CLGN: variants seen among roughly 807,000 people sequenced by gnomAD.
The protein encoded by CLGN is calmegin, also known as testis tissue sperm-binding protein Li 79P.
A neutral mutation model predicts 79.1 loss-of-function variants in CLGN; 62 were observed. The ratio of observed to expected loss-of-function variants is 0.78; its 90% CI spans 0.64 to 0.97. CLGN has a LOEUF of 0.97. CLGN is among the 50% of genes least tolerant of loss of function. The pLI is 0.00. For synonymous variants in CLGN, 225 were observed against 224.7 expected (o/e 1.00, Z -0.01); for missense variants, 647 against 715.5 (o/e 0.90, Z 1.09).
chr4:140,402,309 A>C (rs890588060), intron 5 of CLGN, among the ~76,000 whole-genome samples: 5 of 152,136 alleles, frequency 3.3e-5, no homozygotes, highest in Admixed American at 3.3e-4. Flanking sequence ...AGACAAACCA[A>C]TCAATTTGTT....
intron 1 of CLGN, among the ~76,000 whole-genome samples, chr4:140,423,550 C>T (rs1729509794): frequency 6.6e-6 from 1 of 152,154 alleles, no homozygotes; most frequent in Non-Finnish European, 1.5e-5. Flanking sequence ...TAGAATGAAT[C>T]TGGAAGTGTT....
Position 140,400,519 on chromosome 4 carries a change from T to A in CLGN, c.532A>T (p.Ile178Phe). The A allele has an allele frequency of 1.9e-6, 3 of 1,596,276 alleles. No homozygotes were observed. Among genetic ancestry groups the A allele is most frequent in the Non-Finnish European group, 2.6e-6 (3 of 1,169,132 alleles). Reference sequence around the variant, plus strand: ...CCACATTTATCTGGTCCAAACATAATGATATAGGATGTTTTATCATAAAAG... The same window carrying A: ...CCACATTTATCTGGTCCAAACATAAAGATATAGGATGTTTTATCATAAAAG... ...ENFYDKTSYI[I>F]MFGPDKCGED... is the part of the protein sequence containing the mutation. The change falls in exon 7 of 15, where the codon ATT (isoleucine) becomes TTT (phenylalanine). Residue 178 changes from isoleucine to phenylalanine, a missense_variant. Physicochemically the swap from Ile to Phe is conservative, Grantham distance 21. Coordinates refer to ENST00000325617, the MANE Select transcript of CLGN (RefSeq NM_004362.3).
chr4:140,427,277 G>A (rs1214282852), intron 1 of CLGN, among the ~76,000 whole-genome samples: 2 of 152,206 alleles, frequency 1.3e-5, no homozygotes, highest in African/African-American at 2.4e-5. Flanking sequence ...GGATGCGGCG[G>A]TGCTGAAGAC....
chr4:140,396,724 GT>G (rs1309856992), intron 8 of CLGN, among the ~76,000 whole-genome samples: 5 of 150,390 alleles, frequency 3.3e-5, no homozygotes, highest in African/African-American at 1.2e-4. Context: ...GCCTGGCTAA[GT>G]TTTTGTATTT....
chr4:140,420,608 T>C (rs1376515868), intron 1 of CLGN, among the ~76,000 whole-genome samples: 5 of 152,198 alleles, frequency 3.3e-5, no homozygotes, highest in African/African-American at 1.2e-4. Context: ...TGCTGCAGTA[T>C]CCTATCATTC....
At chr4:140,401,394 A>C (rs987852973) in intron 6 of CLGN, among the ~76,000 whole-genome samples, 76 of 152,152 alleles carry the variant, frequency 5.0e-4, no homozygotes, top group African/African-American at 1.8e-3. Context: ...GCTTATGTAC[A>C]GCTAAGTGTT....
rs568672764 is a variant in CLGN at position 140,416,751 on chromosome 4, A to G, written c.-9-3664T>C. Among the ~76,000 whole-genome samples, 11 of 152,326 alleles carry G rather than the reference A, an allele frequency of 7.2e-5. No individual in the cohort carries two copies. The South Asian group carries it at 2.1e-3, about 29-fold the overall frequency. ...AGAGTCCAGGACCAGATGGATTCAC[A>G]GCTGAATTCTACGAGAGGTACAAGG... On this transcript the variant is annotated intron_variant, in intron 1 of 14. Coordinates refer to ENST00000325617, the MANE Select transcript of CLGN (RefSeq NM_004362.3).
At chr4:140,399,076 T>C in intron 7 of CLGN, 36 bp from the exon 8 acceptor site, 1 of 1,514,884 alleles carries the variant, frequency 6.6e-7, no homozygotes. Context: ...TAGTTATCAT[T>C]TTGATATACG....
intron 8 of CLGN, 68 bp downstream of exon 8, chr4:140,398,783 T>C: frequency 7.4e-7 from 1 of 1,350,776 alleles, no homozygotes; most frequent in South Asian, 1.3e-5. Context: ...GGTTGTAAAC[T>C]TCACTTATAT....
intron 6 of CLGN, 136 bp downstream of exon 6, chr4:140,401,849 G>A (rs956837984): frequency 1.8e-6 from 1 of 554,210 alleles, no homozygotes; most frequent in East Asian, 3.4e-5. Context: ...TAAGAGCTAT[G>A]TAAATTCACA....
At chr4:140,415,865 C>T (rs28825982) in intron 1 of CLGN, among the ~76,000 whole-genome samples, 22,676 of 45,166 alleles carry the variant, frequency 0.5, 5,968 homozygotes, top group Non-Finnish European at 0.61. Context: ...TAGACATCTA[C>T]AGAACTCTCC....
At chr4:140,400,214 G>A (rs2126620078) in intron 7 of CLGN, 143 bp downstream of exon 7, 2 of 575,872 alleles carry the variant, frequency 3.5e-6, no homozygotes, top group East Asian at 6.2e-5. Context: ...TACCCGTGCT[G>A]TCATTATACA....
At chr4:140,404,404 C>T (rs550000625) in intron 5 of CLGN, among the ~76,000 whole-genome samples, 18 of 152,022 alleles carry the variant, frequency 1.2e-4, no homozygotes, top group African/African-American at 4.1e-4. Flanking sequence ...TTACTTCCTA[C>T]GTTTTGAGTT....
At chr4:140,399,589 C>G (rs554373608) in intron 7 of CLGN, among the ~76,000 whole-genome samples, 1 of 152,296 alleles carries the variant, frequency 6.6e-6, no homozygotes, top group African/African-American at 2.4e-5. Context: ...GTTTCTACCA[C>G]TGCAGCATTT....
At chr4:140,416,768 G>A (rs960710214) in intron 1 of CLGN, among the ~76,000 whole-genome samples, 59 of 152,130 alleles carry the variant, frequency 3.9e-4, no homozygotes, top group Non-Finnish European at 2.9e-5. Context: ...TTCTACGAGA[G>A]GTACAAGGAG....
chr4:140,407,666 TGCTGAAAAA>T (rs2126626107), intron 4 of CLGN, among the ~76,000 whole-genome samples: 1 of 150,162 alleles, frequency 6.7e-6, no homozygotes, highest in African/African-American at 2.4e-5. Context: ...TACAAAACAC[TGCTGAAAAA>T]AATCATAGAT....
intron 5 of CLGN, among the ~76,000 whole-genome samples, chr4:140,402,421 A>G (rs1313737650): frequency 6.6e-6 from 1 of 152,064 alleles, no homozygotes; most frequent in Non-Finnish European, 1.5e-5. Flanking sequence ...CTATACTTAC[A>G]CTTTATAAAC....
intron 1 of CLGN, among the ~76,000 whole-genome samples, chr4:140,424,491 G>T (rs1729525978): frequency 6.6e-6 from 1 of 152,072 alleles, no homozygotes; most frequent in African/African-American, 2.4e-5. Context: ...CTATTGTTGG[G>T]TACAGTGTTG....
chr4:140,425,429 GGTGTGTGTGTGTGTGTGT>G (rs754897067), intron 1 of CLGN, among the ~76,000 whole-genome samples: 1 of 116,888 alleles, frequency 8.6e-6, no homozygotes, highest in African/African-American at 2.9e-5. Context: ...GAATCAATAG[GGTGTGTGTGTGTGTGTGT>G]GTGTGTGTGT....
Sources: allele counts gnomAD v4.1 joint callset (sites outside exome capture counted in the v4.1 genomes callset), GRCh38; gene constraint gnomAD v4.1.1; transcripts MANE v1.5; gene names NCBI Gene and HGNC (gene_info 2026-07-23, HGNC 2026-07-21).